The following SIK2 variants were observed in gnomAD, a reference collection of about 807,000 sequenced individuals.
SIK2 encodes the protein serine/threonine-protein kinase SIK2.
In SIK2, 29 loss-of-function variants were observed where a neutral mutation model predicts 103.2. The ratio of observed to expected loss-of-function variants is 0.28; its 90% confidence interval spans 0.21 to 0.38. The LOEUF (loss-of-function observed/expected upper bound fraction) is 0.38. Among genes scored for constraint, SIK2 ranks in the 10% least tolerant of loss-of-function variants. SIK2 has a pLI of 1.00. For synonymous variants in SIK2, 412 were observed against 446.1 expected (o/e 0.92, Z 0.96); for missense variants, 879 against 1,171.0 (o/e 0.75, Z 3.64).
At position 111,616,245 on chromosome 11, in the gene SIK2, G is replaced by A; in HGVS notation, c.138G>A (p.Val46=). ...TTTATTTGTGTTCTGGGATGCAGGT[G>A]GCAATAAAAATAATCGATAAGTCTC... ...LGRHRITKTE[V]AIKIIDKSQL... The change falls in exon 2 of 15, where the codon GTG becomes GTA. Residue 46 remains valine (V), a splice_region_variant and synonymous_variant. Transcript: ENST00000304987. The A allele has an allele frequency of 1.3e-6, 2 of 1,599,654 alleles. No homozygotes were observed. Among genetic ancestry groups the A allele is most frequent in the Non-Finnish European group, 1.7e-6 (2 of 1,167,364 alleles).
chr11:111,720,186 T>G (rs1014178267), intron 10 of SIK2, among the ~76,000 whole-genome samples, 183 bp downstream of exon 10: 3 of 152,214 alleles, frequency 2.0e-5, no homozygotes, highest in Non-Finnish European at 2.9e-5. Flanking sequence ...TGAATTGAAA[T>G]GTCTCTGAGT....
rs1349131711 is a variant in SIK2, at chr11:111,672,287, AG to A, written c.317-15712del. 1.5e-4 allele frequency: 60 copies of A among 403,514 alleles called. 1 individual carries two copies. In the South Asian group the frequency reaches 1.7e-3, roughly 11 times the overall value. The allele number at this position is 403,514 out of a possible 1,614,324, so 25.0% of individuals were successfully genotyped here. ...CAGGAAGCTGCTGCTGTTGCCCACC[AG>A]GAGAAGCTCAAGGAGCTGATGCAGG... On this transcript the variant is annotated intron_variant, in intron 3 of 14. Transcript: ENST00000304987.
Position 111,705,180 on chromosome 11 carries a change from C to G in SIK2, c.1101+41C>G. 6.7e-7 allele frequency: 1 copy of G among 1,489,088 alleles called. No individual in the cohort carries two copies. The highest frequency in any genetic ancestry group is 1.8e-4 in the Middle Eastern group (1 of 5,646). The allele number at this position is 1,489,088 out of a possible 1,614,324, so 92.2% of individuals were successfully genotyped here. A position where few individuals can be genotyped will look rare whatever the true frequency, so the allele number is the denominator to read the frequency against. Reference sequence around the variant, plus strand: ...CTGAGAGTCTTATCTGTGCATGTGCCTGTTCACATGTTTGATACATTTTTC... The same window carrying G: ...CTGAGAGTCTTATCTGTGCATGTGCGTGTTCACATGTTTGATACATTTTTC... On this transcript the variant is annotated intron_variant, in intron 8 of 14. Coordinates refer to ENST00000304987, the MANE Select transcript of SIK2 (RefSeq NM_015191.3). The surrounding 1 kb of genome is among the most constrained non-coding windows in gnomAD (Gnocchi z 4.3).
intron 1 of SIK2, among the ~76,000 whole-genome samples, chr11:111,605,079 C>T (rs527586158): frequency 5.7e-4 from 86 of 151,956 alleles, no homozygotes; most frequent in Admixed American, 1.1e-3. Flanking sequence ...TCTCCTGCCT[C>T]ACCCTCCCAA....
Position 111,726,755 on chromosome 11 carries a change from G to A in SIK2, c.*2626G>A, listed in dbSNP as rs754705287. 4.9e-5 allele frequency: 28 copies of A among 565,910 alleles called. No individual in the cohort carries two copies. Among genetic ancestry groups the A allele is most frequent in the Non-Finnish European group, 7.6e-5 (24 of 316,508 alleles). The allele number at this position is 565,910 out of a possible 1,614,324, so 35.1% of individuals were successfully genotyped here. On this transcript the variant is annotated 3_prime_UTR_variant, in exon 15 of 15. Transcript: ENST00000304987. The stretch of plus-strand genomic sequence containing the variant: ...AGGCTTAGTATCGCTCTTTTTCTGC[G>A]GGGCTACTCTGAAGTACTGACTTGC...
Position 111,728,894 on chromosome 11 carries a change from A to C in SIK2, c.*4765A>C, listed in dbSNP as rs919315564. On this transcript the variant is annotated 3_prime_UTR_variant, in exon 15 of 15. Coordinates refer to ENST00000304987, the MANE Select transcript of SIK2 (RefSeq NM_015191.3). ...AGCCAAGATCGTGCCACTGCACTCC[A>C]GCCTGGGCGACAGAGCAAGACTCCA... 2 of 151,160 alleles carry C rather than the reference A, an allele frequency of 1.3e-5. No homozygotes were observed. Among genetic ancestry groups the C allele is most frequent in the African/African-American group, 2.4e-5 (1 of 40,874 alleles). The allele number at this position is 151,160 out of a possible 1,614,324, so 9.4% of individuals were successfully genotyped here.
At chr11:111,672,800 G>A (rs1942646600) in intron 3 of SIK2, among the ~76,000 whole-genome samples, 1 of 152,204 alleles carries the variant, frequency 6.6e-6, no homozygotes, top group African/African-American at 2.4e-5. Flanking sequence ...CCAGACCTTT[G>A]AGCAAAGGAC....
At chr11:111,678,052 G>C (rs1423072881) in intron 3 of SIK2, among the ~76,000 whole-genome samples, 1 of 152,156 alleles carries the variant, frequency 6.6e-6, no homozygotes, top group Non-Finnish European at 1.5e-5. Context: ...GACTTCTTCA[G>C]TTTCATCGTA....
At chr11:111,685,104 C>T (rs547685096) in intron 3 of SIK2, among the ~76,000 whole-genome samples, 7 of 152,204 alleles carry the variant, frequency 4.6e-5, no homozygotes, top group East Asian at 3.8e-4. Context: ...GTGTTAGAGC[C>T]GCAGTCCCCA....
rs902470820 is a variant in SIK2 at position 111,602,974 on chromosome 11, C to T, written c.135+276C>T. 6.6e-6 allele frequency among the ~76,000 whole-genome samples: 1 copy of T among 151,914 alleles called. No homozygotes were observed. The highest frequency in any genetic ancestry group is 2.4e-5 in the African/African-American group (1 of 41,406). On this transcript the variant is annotated intron_variant, in intron 1 of 14. Transcript: ENST00000304987. The surrounding 1 kb of genome is among the most constrained non-coding windows in gnomAD (Gnocchi z 4.5). ...CCCTACGCCACCCCCGGTGGCCACC[C>T]GGAATTTCGCCCAGAGCCCCCCACC... is the stretch of plus-strand genomic sequence containing the variant.
chr11:111,722,804 C>A lies in SIK2; in HGVS notation c.2147+48C>A. 2 of 1,526,042 alleles carry A rather than the reference C, an allele frequency of 1.3e-6. No individual in the cohort carries two copies. Among genetic ancestry groups the A allele is most frequent in the Non-Finnish European group, 1.8e-6 (2 of 1,104,810 alleles). 94.5% of individuals were successfully genotyped at this position (1,526,042 alleles called of 1,614,324 possible). ...AGAAGTTGCTTCCTTTTCTGGAAGCCTTGAGAACACTGAATGTGTTGTCCT... is the reference window on the plus strand; with the variant it reads ...AGAAGTTGCTTCCTTTTCTGGAAGCATTGAGAACACTGAATGTGTTGTCCT... On this transcript the variant is annotated intron_variant, in intron 14 of 14. Coordinates refer to ENST00000304987, the MANE Select transcript of SIK2 (RefSeq NM_015191.3). The surrounding 1 kb of genome is among the most constrained non-coding windows in gnomAD (Gnocchi z 4.4).
chr11:111,668,911 T>G (rs529246025), intron 3 of SIK2, among the ~76,000 whole-genome samples: 17 of 152,248 alleles, frequency 1.1e-4, no homozygotes, highest in Admixed American at 7.8e-4. Flanking sequence ...ATGGATTGGA[T>G]GTGGAGAGAG....
chr11:111,715,614 C>G (rs1943616678), intron 9 of SIK2, among the ~76,000 whole-genome samples: 1 of 152,070 alleles, frequency 6.6e-6, no homozygotes, highest in Non-Finnish European at 1.5e-5. Flanking sequence ...AGTTGCCCAA[C>G]TCTAGATAAG....
At chr11:111,692,426 G>A (rs1448745743) in intron 4 of SIK2, among the ~76,000 whole-genome samples, 5 of 145,010 alleles carry the variant, frequency 3.4e-5, no homozygotes, top group Admixed American at 1.4e-4. Flanking sequence ...GATAGAGATC[G>A]AGGCTGGGGT....
intron 8 of SIK2, among the ~76,000 whole-genome samples, chr11:111,707,649 C>T (rs1266480311): frequency 1.3e-5 from 2 of 152,172 alleles, no homozygotes; most frequent in Non-Finnish European, 2.9e-5. Flanking sequence ...AAATAGACTT[C>T]TGTTTTTATG....
chr11:111,662,785 G>A (rs1470166556), intron 3 of SIK2, among the ~76,000 whole-genome samples: 1 of 152,122 alleles, frequency 6.6e-6, no homozygotes, highest in Non-Finnish European at 1.5e-5. Flanking sequence ...GGCTGAGGCA[G>A]GCAGATTGCT....
In SIK2 at chr11:111,721,817, C is replaced by G. The variant is rs1943810426; in HGVS notation, c.1945-13C>G. On this transcript the variant is annotated splice_polypyrimidine_tract_variant and intron_variant, in intron 12 of 14. Coordinates refer to ENST00000304987, the MANE Select transcript of SIK2 (RefSeq NM_015191.3). ...GGGGAATTGAAAATTGTTTCCACCC[C>G]CTTGCTCCTCAGGAAGAAGTTTCTC... The G allele has an allele frequency of 3.8e-6, 6 of 1,596,354 alleles. No individual in the cohort carries two copies. In the East Asian group the frequency reaches 1.3e-4, roughly 36 times the overall value.
At chr11:111,615,150 T>A (rs1009935409) in intron 1 of SIK2, among the ~76,000 whole-genome samples, 2 of 149,076 alleles carry the variant, frequency 1.3e-5, no homozygotes, top group Admixed American at 1.3e-4. Context: ...AATAAATAAA[T>A]AAATAAAAGT....
rs1943219408 is a variant in SIK2, at chr11:111,701,840, T to C, written c.727+265T>C. On this transcript the variant is annotated intron_variant, in intron 6 of 14. Coordinates refer to ENST00000304987, the MANE Select transcript of SIK2 (RefSeq NM_015191.3). This position sits in a 1 kb window ranked among gnomAD's most constrained non-coding sequence, Gnocchi z 4.2. Reference sequence around the variant, plus strand: ...TCTGGGTCTATAAATGTCCCAGGTTTATTTTAGATTTAACGAAGCCCTTTG... The same window carrying C: ...TCTGGGTCTATAAATGTCCCAGGTTCATTTTAGATTTAACGAAGCCCTTTG... Among the ~76,000 whole-genome samples the C allele has an allele frequency of 6.6e-6, 1 of 152,222 alleles. No individual in the cohort carries two copies. Among genetic ancestry groups the C allele is most frequent in the African/African-American group, 2.4e-5 (1 of 41,454 alleles).
Sources: gnomAD v4.1 joint callset for allele counts (sites outside exome capture counted in the v4.1 genomes callset) on GRCh38, gnomAD v4.1.1 for gene constraint, Gnocchi (gnomAD v3.1) non-coding constraint, MANE v1.5 for transcripts, NCBI Gene and HGNC (gene_info 2026-07-23, HGNC 2026-07-21) for gene names.